ELAVL4: variants seen among roughly 807,000 people sequenced by gnomAD.
ELAVL4 encodes ELAV like RNA binding protein 4.
Under a neutral mutation model 35.6 loss-of-function variants are expected in ELAVL4, and 1 was observed. The ratio of observed to expected loss-of-function variants is 0.03; its 90% CI spans 0.01 to 0.13. The LOEUF is 0.13. Among genes scored for constraint, ELAVL4 ranks in the 10% least tolerant of loss-of-function variants. ELAVL4 has a pLI of 1.00. For synonymous variants in ELAVL4, 156 were observed against 171.0 expected (o/e 0.91, Z 0.69); for missense variants, 267 against 464.9 (o/e 0.57, Z 3.91).
chr1:50,103,992 A>G (rs373892071), upstream of ELAVL4: 8 of 1,614,028 alleles, frequency 5.0e-6, no homozygotes, highest in African/African-American at 6.7e-5. Flanking sequence ...CTACAGTCAT[A>G]TGGAACAGGT....
chr1:50,129,115 AT>A (rs1670438907), intron 1 of ELAVL4, among the ~76,000 whole-genome samples: 1 of 152,140 alleles, frequency 6.6e-6, no homozygotes, highest in East Asian at 1.9e-4. Flanking sequence ...TTATTTTATT[AT>A]TTTGTAAGTG....
chr1:50,095,044 G>T (rs1463684782), intron 1 of ELAVL4, among the ~76,000 whole-genome samples: 3 of 152,116 alleles, frequency 2.0e-5, no homozygotes, highest in African/African-American at 7.2e-5. Context: ...TGCTTGGGAG[G>T]CCTCAGCAAT....
chr1:50,196,683 G>A (rs2148888488), intron 5 of ELAVL4, among the ~76,000 whole-genome samples: 1 of 152,234 alleles, frequency 6.6e-6, no homozygotes, highest in Non-Finnish European at 1.5e-5. Flanking sequence ...ATTTGAAATG[G>A]TTAATGATTT....
intron 2 of ELAVL4, among the ~76,000 whole-genome samples, chr1:50,162,025 A>C (rs145469377): frequency 6.6e-6 from 1 of 152,350 alleles, no homozygotes; most frequent in Non-Finnish European, 1.5e-5. Flanking sequence ...CAATTTGGCT[A>C]TCTTCTCTGA....
chr1:50,139,509 T>C (rs931609507), intron 1 of ELAVL4, among the ~76,000 whole-genome samples: 2 of 152,228 alleles, frequency 1.3e-5, no homozygotes, highest in African/African-American at 4.8e-5. Flanking sequence ...CTCTTTGTCT[T>C]TGTTATCTCT....
At chr1:50,190,318 T>A (rs555352534) in intron 3 of ELAVL4, among the ~76,000 whole-genome samples, 19 of 152,318 alleles carry the variant, frequency 1.2e-4, no homozygotes, top group African/African-American at 4.6e-4. Flanking sequence ...TTTTTGGAAA[T>A]CTTTCAGCCT....
At chr1:50,147,929 T>C (rs1674025284) in intron 2 of ELAVL4, among the ~76,000 whole-genome samples, 1 of 152,226 alleles carries the variant, frequency 6.6e-6, no homozygotes, top group African/African-American at 2.4e-5. Flanking sequence ...GAAGTGACTC[T>C]GTTGATAGCC....
At chr1:50,123,629 T>C (rs1048688772) in intron 1 of ELAVL4, among the ~76,000 whole-genome samples, 1 of 152,082 alleles carries the variant, frequency 6.6e-6, no homozygotes, top group Non-Finnish European at 1.5e-5. Context: ...CAAGTCTAGG[T>C]AGCTTCACAA....
intron 2 of ELAVL4, among the ~76,000 whole-genome samples, chr1:50,153,758 T>C (rs975568156): frequency 2.0e-5 from 3 of 152,190 alleles, no homozygotes; most frequent in Non-Finnish European, 4.4e-5. Flanking sequence ...GTAATAGTTT[T>C]TGGAGATAGG....
intron 2 of ELAVL4, among the ~76,000 whole-genome samples, chr1:50,163,028 T>C (rs1249846927): frequency 6.6e-6 from 1 of 152,230 alleles, no homozygotes; most frequent in Non-Finnish European, 1.5e-5. Flanking sequence ...GAAATGGTAT[T>C]GACAGTACAG....
chr1:50,182,457 A>G (rs1349259809), intron 3 of ELAVL4, among the ~76,000 whole-genome samples: 3 of 152,148 alleles, frequency 2.0e-5, no homozygotes, highest in Admixed American at 2.0e-4. Flanking sequence ...CTCCTGTCTC[A>G]TGGGGGACAC....
intron 1 of ELAVL4, among the ~76,000 whole-genome samples, chr1:50,094,051 T>C (rs1399995666): frequency 6.6e-6 from 1 of 152,224 alleles, no homozygotes; most frequent in Non-Finnish European, 1.5e-5. Flanking sequence ...GCTCAATAGA[T>C]AGCAGTATTG....
Position 50,145,099 on chromosome 1 carries a change from A to G in ELAVL4, c.152A>G (p.Asn51Ser). Residue 51 changes from asparagine (N) to serine (S), a missense_variant, in exon 2 of 7, where the codon AAC becomes AGC. Around this residue, in one of 2 missense-constraint regions of ELAVL4, gnomAD observed 216 missense variants for 409.5 expected, o/e 0.53. Coordinates refer to ENST00000371824, the MANE Select transcript of ELAVL4 (RefSeq NM_001144774.3). ...TDDSKTNLIV[N>S]YLPQNMTQEE... ...GACAGCAAAACCAACCTCATCGTCA[A>G]CTATTTACCCCAGAATATGACCCAA... 6.2e-7 allele frequency: 1 copy of G among 1,614,060 alleles called. No individual in the cohort carries two copies. The highest frequency in any genetic ancestry group is 8.5e-7 in the Non-Finnish European group (1 of 1,179,950).
At chr1:50,188,261 T>C (rs1017681087) in intron 3 of ELAVL4, among the ~76,000 whole-genome samples, 1 of 152,208 alleles carries the variant, frequency 6.6e-6, no homozygotes, top group Non-Finnish European at 1.5e-5. Flanking sequence ...ATTTCAGGAA[T>C]ATAACTTTCT....
chr1:50,199,634 G>A (rs1644279452), intron 6 of ELAVL4, among the ~76,000 whole-genome samples: 1 of 151,858 alleles, frequency 6.6e-6, no homozygotes, highest in Admixed American at 6.6e-5. Context: ...CTTGAACCCG[G>A]GAGGCAGAGG....
At chr1:50,196,083 T>TAATC (rs1267440149) in intron 5 of ELAVL4, among the ~76,000 whole-genome samples, 1 of 152,268 alleles carries the variant, frequency 6.6e-6, no homozygotes, top group Non-Finnish European at 1.5e-5. Flanking sequence ...CAACAAGAGT[T>TAATC]AATCACAGAT....
At chr1:50,105,378 A>G (rs1488535270), upstream of ELAVL4, among the ~76,000 whole-genome samples, 2 of 152,156 alleles carry the variant, frequency 1.3e-5, no homozygotes, top group African/African-American at 4.8e-5. Context: ...TTTGTGTTTC[A>G]TTCTTCGCAG....
chr1:50,143,159 GT>G (rs2148682160), intron 1 of ELAVL4, among the ~76,000 whole-genome samples: 1 of 152,264 alleles, frequency 6.6e-6, no homozygotes, highest in African/African-American at 2.4e-5. Context: ...GTTCTGTATT[GT>G]GATCTGAAAG....
At chr1:50,086,603 G>A (rs1572152148) in intron 1 of ELAVL4, among the ~76,000 whole-genome samples, 1 of 151,670 alleles carries the variant, frequency 6.6e-6, no homozygotes, top group African/African-American at 2.4e-5. Flanking sequence ...GGAATCCTTG[G>A]GAAATTGTTC....
Sources: allele counts gnomAD v4.1 joint callset (sites outside exome capture counted in the v4.1 genomes callset), GRCh38; gene constraint gnomAD v4.1.1; regional missense constraint gnomAD v4.1.1; transcripts MANE v1.5; gene names NCBI Gene and HGNC (gene_info 2026-07-23, HGNC 2026-07-21).